Variants in FHIT observed in about 807,000 individuals in gnomAD.
The protein encoded by FHIT is fragile histidine triad diadenosine triphosphatase.
Under a neutral mutation model 17.9 loss-of-function variants are expected in FHIT, and 19 were observed. The ratio of observed to expected loss-of-function variants is 1.06; its 90% CI spans 0.74 to 1.56. The LOEUF (loss-of-function observed/expected upper bound fraction) is 1.56, where lower values mean the gene tolerates loss of function less well. Among genes scored for constraint, FHIT ranks in the 40% most tolerant of loss-of-function variants. The pLI, the probability that FHIT is intolerant of heterozygous loss-of-function variation, is 0.00. For missense variants in FHIT, 248 were observed against 189.2 expected (o/e 1.31, Z -1.82); for synonymous variants, 81 against 69.7 (o/e 1.16, Z -0.81).
intron 8 of FHIT, among the ~76,000 whole-genome samples, chr3:59,888,426 C>T (rs898766213): frequency 1.3e-5 from 2 of 152,050 alleles, no homozygotes; most frequent in South Asian, 4.2e-4. Context: ...CTAAAAGGCC[C>T]AAATTGAAGG....
chr3:60,234,839 G>A (rs998895086), intron 5 of FHIT, among the ~76,000 whole-genome samples: 2 of 152,160 alleles, frequency 1.3e-5, no homozygotes, highest in African/African-American at 4.8e-5. Flanking sequence ...AGAAGTATTA[G>A]TGATAGGACA....
chr3:60,488,664 A>C (rs1489523593), intron 5 of FHIT, among the ~76,000 whole-genome samples: 1 of 152,168 alleles, frequency 6.6e-6, no homozygotes, highest in Non-Finnish European at 1.5e-5. Flanking sequence ...TACCAGTGTG[A>C]CTAAACAGAA....
intron 4 of FHIT, among the ~76,000 whole-genome samples, chr3:60,728,833 T>C (rs1434856743): frequency 4.6e-5 from 7 of 152,080 alleles, no homozygotes; most frequent in Non-Finnish European, 7.3e-5. Context: ...TGAAAACCTG[T>C]AACAAATTTA....
chr3:60,102,753 A>C (rs1704245430), intron 5 of FHIT, among the ~76,000 whole-genome samples: 1 of 152,190 alleles, frequency 6.6e-6, no homozygotes, highest in East Asian at 1.9e-4. Flanking sequence ...GACCATTGTC[A>C]CTTACATCAT....
intron 2 of FHIT, among the ~76,000 whole-genome samples, chr3:61,114,080 T>C (rs940368290): frequency 1.2e-4 from 18 of 152,202 alleles, no homozygotes; most frequent in African/African-American, 4.3e-4. Flanking sequence ...CACAAAAGCA[T>C]ATGAGAAAAG....
At chr3:61,105,197 C>A (rs1164927914) in intron 2 of FHIT, among the ~76,000 whole-genome samples, 1 of 151,726 alleles carries the variant, frequency 6.6e-6, no homozygotes, top group East Asian at 1.9e-4. Flanking sequence ...TCTTTGTGGG[C>A]TTATCTACCT....
rs139513859 is a variant in FHIT at position 60,599,743 on chromosome 3, ACT to A, written c.-17-62766_-17-62765del. On this transcript the variant is annotated intron_variant, in intron 4 of 9. Coordinates refer to ENST00000492590, the MANE Select transcript of FHIT (RefSeq NM_002012.4). ...GTCCTAATGGTACCAGCACATACAC[ACT>A]GTCCCACATCAATGAGAATGCTCAC... 1.7e-3 allele frequency among the ~76,000 whole-genome samples: 255 copies of A among 151,918 alleles called. 1 individual carries two copies. The highest frequency in any genetic ancestry group is 4.6e-3 in the African/African-American group (192 of 41,470).
chr3:59,889,933 AT>A (rs1336473648), intron 8 of FHIT, among the ~76,000 whole-genome samples: 1 of 152,180 alleles, frequency 6.6e-6, no homozygotes, highest in African/African-American at 2.4e-5. Flanking sequence ...CAGAGGACTT[AT>A]TAGTGTCTGT....
intron 3 of FHIT, among the ~76,000 whole-genome samples, chr3:61,025,290 C>A (rs1190677262): frequency 6.6e-6 from 1 of 152,162 alleles, no homozygotes; most frequent in Non-Finnish European, 1.5e-5. Flanking sequence ...AAAGGCTAAA[C>A]GTTTCACTGA....
chr3:61,240,329 T>G (rs1049962760), intron 1 of FHIT, among the ~76,000 whole-genome samples: 1 of 152,174 alleles, frequency 6.6e-6, no homozygotes, highest in Non-Finnish European at 1.5e-5. Flanking sequence ...TGTACAGCCC[T>G]GCAAGCTTTG....
chr3:61,217,616 C>A (rs939803621), intron 1 of FHIT, among the ~76,000 whole-genome samples: 2 of 152,112 alleles, frequency 1.3e-5, no homozygotes, highest in Non-Finnish European at 2.9e-5. Context: ...AGAAAGAGAA[C>A]AACAGCCTTG....
intron 5 of FHIT, among the ~76,000 whole-genome samples, chr3:60,433,317 T>C (rs1256973431): frequency 1.3e-5 from 2 of 152,094 alleles, no homozygotes; most frequent in South Asian, 2.1e-4. Flanking sequence ...TATATATCCA[T>C]CTGTGGAAGG....
chr3:60,971,338 G>A (rs1418474004), intron 3 of FHIT, among the ~76,000 whole-genome samples: 2 of 152,108 alleles, frequency 1.3e-5, no homozygotes, highest in East Asian at 1.9e-4. Context: ...GTGAGACTCT[G>A]TCTCAATAAA....
At chr3:60,093,882 T>C (rs1703832658) in intron 5 of FHIT, among the ~76,000 whole-genome samples, 1 of 152,226 alleles carries the variant, frequency 6.6e-6, no homozygotes, top group Admixed American at 6.5e-5. Flanking sequence ...TGCTGTTCTA[T>C]ATTGCCTACT....
chr3:60,106,044 G>A (rs1276881024), intron 5 of FHIT, among the ~76,000 whole-genome samples: 3 of 152,124 alleles, frequency 2.0e-5, no homozygotes, highest in Admixed American at 1.3e-4. Context: ...AAATCTCATT[G>A]TCTCTCACTC....
chr3:60,314,270 C>T (rs1709072199), intron 5 of FHIT, among the ~76,000 whole-genome samples: 2 of 152,218 alleles, frequency 1.3e-5, no homozygotes, highest in South Asian at 4.2e-4. Flanking sequence ...AAAAATCATG[C>T]TCTGACTACA....
intron 8 of FHIT, among the ~76,000 whole-genome samples, chr3:59,798,898 T>A (rs191565924): frequency 6.6e-6 from 1 of 152,034 alleles, no homozygotes; most frequent in Admixed American, 6.6e-5. Context: ...GAGGAAAGAG[T>A]CATCTCAGTT....
chr3:60,259,454 G>A (rs1452292965), intron 5 of FHIT, among the ~76,000 whole-genome samples: 3 of 152,084 alleles, frequency 2.0e-5, no homozygotes, highest in African/African-American at 7.2e-5. Flanking sequence ...CTTCAAAGCC[G>A]GAAGGCTACA....
At chr3:61,207,154 TCCCAGGGATGAAA>T (rs2039267302) in intron 1 of FHIT, among the ~76,000 whole-genome samples, 1 of 152,214 alleles carries the variant, frequency 6.6e-6, no homozygotes, top group Admixed American at 6.5e-5. Context: ...CAGCCTTGCA[TCCCAGGGATGAAA>T]CCCACTTGAT....
Sources: allele counts gnomAD v4.1 joint callset (sites outside exome capture counted in the v4.1 genomes callset), GRCh38; gene constraint gnomAD v4.1.1; transcripts MANE v1.5; gene names NCBI Gene and HGNC (gene_info 2026-07-23, HGNC 2026-07-21).